The following SIM2 variants were observed in gnomAD, a reference collection of about 807,000 sequenced individuals.
SIM2 encodes the protein SIM bHLH transcription factor 2.
A neutral mutation model predicts 64.8 loss-of-function variants in SIM2; 28 were observed. The observed-to-expected ratio is 0.43, with a 90% CI of 0.32 to 0.59. SIM2 has a LOEUF of 0.59. SIM2 is among the 20% of genes least tolerant of loss of function. SIM2 has a pLI of 0.07. For missense variants in SIM2, 847 were observed against 871.4 expected (o/e 0.97, Z 0.35); for synonymous variants, 408 against 391.1 (o/e 1.04, Z -0.51).
intron 7 of SIM2, among the ~76,000 whole-genome samples, chr21:36,740,323 G>A (rs1295078858): frequency 6.6e-6 from 1 of 152,128 alleles, no homozygotes; most frequent in Non-Finnish European, 1.5e-5. Context: ...GAAGTTTCAT[G>A]TAAAGGGAAT....
At chr21:36,723,262 G>A (rs1601697768) in intron 5 of SIM2, 132 bp downstream of exon 5, 1 of 706,964 alleles carries the variant, frequency 1.4e-6, no homozygotes, top group South Asian at 1.6e-5. Context: ...CTCCAGCAAC[G>A]TGGTGCACAG....
intron 1 of SIM2, among the ~76,000 whole-genome samples, chr21:36,707,599 T>A (rs991395698): frequency 3.4e-5 from 5 of 149,076 alleles, no homozygotes; most frequent in Admixed American, 2.7e-4. Context: ...TTTTTTAACT[T>A]TTTTTTTTTT....
intron 4 of SIM2, chr21:36,720,333 A>T (rs2088808224): frequency 1.2e-5 from 2 of 170,608 alleles, no homozygotes; most frequent in Non-Finnish European, 2.5e-5. Flanking sequence ...GGAAAATTAC[A>T]TATGTGTTTC....
At chr21:36,733,334 C>T (rs186519177) in intron 7 of SIM2, among the ~76,000 whole-genome samples, 3 of 151,900 alleles carry the variant, frequency 2.0e-5, no homozygotes, top group Non-Finnish European at 2.9e-5. Context: ...AAGCAATTCT[C>T]GTGTCTCAGC....
At chr21:36,716,126 A>G (rs1047276337) in intron 3 of SIM2, among the ~76,000 whole-genome samples, 8 of 152,236 alleles carry the variant, frequency 5.3e-5, no homozygotes, top group African/African-American at 1.9e-4. Flanking sequence ...ATCTACGTGG[A>G]TGAGGTAGAG....
chr21:36,742,848 A>G (rs185948525), intron 8 of SIM2, among the ~76,000 whole-genome samples: 42 of 152,296 alleles, frequency 2.8e-4, no homozygotes, highest in African/African-American at 9.9e-4. Context: ...TCCTGAGCAA[A>G]TGTGTGGGCT....
intron 3 of SIM2, among the ~76,000 whole-genome samples, chr21:36,715,404 T>G (rs2088733867): frequency 6.6e-6 from 1 of 152,202 alleles, no homozygotes; most frequent in Non-Finnish European, 1.5e-5. Flanking sequence ...GTCAGGCAAA[T>G]GTATCAAGCA....
chr21:36,730,419 G>A (rs908561894), intron 6 of SIM2, among the ~76,000 whole-genome samples: 9 of 152,150 alleles, frequency 5.9e-5, no homozygotes, highest in African/African-American at 1.7e-4. Flanking sequence ...GAACTTTCTC[G>A]AAGAGAAAAA....
chr21:36,718,831 G>A (rs1379136180), intron 3 of SIM2, among the ~76,000 whole-genome samples: 1 of 152,218 alleles, frequency 6.6e-6, no homozygotes, highest in Non-Finnish European at 1.5e-5. Flanking sequence ...CTGTGCCACT[G>A]TCCATCTTAA....
intron 3 of SIM2, among the ~76,000 whole-genome samples, chr21:36,713,107 G>C (rs563995544): frequency 6.6e-6 from 1 of 152,170 alleles, no homozygotes; most frequent in Non-Finnish European, 1.5e-5. Context: ...CATGGAATTC[G>C]GGGTCATTTT....
At chr21:36,733,751 CG>C (rs2089006023) in intron 7 of SIM2, among the ~76,000 whole-genome samples, 1 of 152,038 alleles carries the variant, frequency 6.6e-6, no homozygotes, top group South Asian at 2.1e-4. Context: ...TTAGTAGAGA[CG>C]GGGTTTCACC....
intron 4 of SIM2, 80 bp from the exon 5 acceptor site, chr21:36,722,965 G>A: frequency 2.8e-6 from 3 of 1,090,862 alleles, no homozygotes; most frequent in Non-Finnish European, 4.3e-6. Flanking sequence ...CTGGCCCTGG[G>A]AACACATTGG....
At chr21:36,705,371 C>G (rs752618941) in intron 1 of SIM2, among the ~76,000 whole-genome samples, 1 of 152,226 alleles carries the variant, frequency 6.6e-6, no homozygotes, top group South Asian at 2.1e-4. Context: ...TGGCCGGCAA[C>G]GCGCCGAGGT....
intron 1 of SIM2, among the ~76,000 whole-genome samples, chr21:36,701,718 C>T (rs1453093819): frequency 6.6e-6 from 1 of 152,182 alleles, no homozygotes; most frequent in Non-Finnish European, 1.5e-5. Context: ...AATGGTGACC[C>T]CTTGGCAGAG....
rs918294191 is a variant in SIM2, at chr21:36,709,129, G to A, written c.176-39G>A. 9 of 1,565,794 alleles carry A rather than the reference G, an allele frequency of 5.7e-6. No homozygotes were observed. The African/African-American group carries it at 9.5e-5, about 16-fold the overall frequency. ...GCCCGGCTCCCAGGCATCGGGCTGG[G>A]CGCTGCAGTTTACCGATTTGCTTTC... On this transcript the variant is annotated intron_variant, in intron 1 of 10. Coordinates refer to ENST00000290399, the MANE Select transcript of SIM2 (RefSeq NM_005069.6).
At chr21:36,716,444 C>T (rs1296494897) in intron 3 of SIM2, among the ~76,000 whole-genome samples, 1 of 152,108 alleles carries the variant, frequency 6.6e-6, no homozygotes, top group African/African-American at 2.4e-5. Flanking sequence ...CAACCATAAA[C>T]ATATCGATGA....
intron 9 of SIM2, among the ~76,000 whole-genome samples, chr21:36,744,346 G>A (rs2089200955): frequency 6.8e-6 from 1 of 146,344 alleles, no homozygotes. Flanking sequence ...GGAAAAGAAA[G>A]GAAGGGAGGG....
chr21:36,713,088 G>A (rs977195656), intron 3 of SIM2, among the ~76,000 whole-genome samples: 1 of 152,218 alleles, frequency 6.6e-6, no homozygotes. Flanking sequence ...GTAGATTTAT[G>A]AGTGTTCGCA....
At chr21:36,706,517 A>G (rs780828651) in intron 1 of SIM2, among the ~76,000 whole-genome samples, 7 of 152,178 alleles carry the variant, frequency 4.6e-5, no homozygotes, top group Non-Finnish European at 1.0e-4. Flanking sequence ...TTATTTCTGA[A>G]ATAAAGCCCT....
Sources: allele counts gnomAD v4.1 joint callset (sites outside exome capture counted in the v4.1 genomes callset), GRCh38; gene constraint gnomAD v4.1.1; transcripts MANE v1.5; gene names NCBI Gene and HGNC (gene_info 2026-07-23, HGNC 2026-07-21).